Variants in GRAMD4 observed in about 807,000 individuals in gnomAD.
GRAMD4 encodes GRAM domain-containing protein 4.
Under a neutral mutation model 83.9 loss-of-function variants are expected in GRAMD4, and 25 were observed. The ratio of observed to expected loss-of-function variants is 0.30; its 90% confidence interval spans 0.22 to 0.42. The LOEUF (loss-of-function observed/expected upper bound fraction) is 0.42. GRAMD4 is among the 10% of genes least tolerant of loss of function. GRAMD4 has a pLI of 1.00. For missense variants in GRAMD4, 593 were observed against 788.7 expected (o/e 0.75, Z 2.97); for synonymous variants, 336 against 320.9 (o/e 1.05, Z -0.50).
At chr22:46,656,601 G>A (rs2082247989) in intron 3 of GRAMD4, among the ~76,000 whole-genome samples, 1 of 152,176 alleles carries the variant, frequency 6.6e-6, no homozygotes, top group South Asian at 2.1e-4. Flanking sequence ...AGCTACTGGG[G>A]TCACTCCCAC....
rs543237515 is a variant in GRAMD4, at chr22:46,635,149, C to A, written c.163-2691C>A. ...TCCTGGGGAACCGTGTCCTCCCTGC[C>A]TCCACCCCTGGCCACTCCTGTCCTG... is the stretch of plus-strand genomic sequence containing the variant. On this transcript the variant is annotated intron_variant, in intron 2 of 18. Coordinates refer to ENST00000406902, the MANE Select transcript of GRAMD4 (RefSeq NM_015124.5). Among the ~76,000 whole-genome samples the A allele has an allele frequency of 4.4e-4, 62 of 140,878 alleles. 1 individual carries two copies. The highest frequency in any genetic ancestry group is 1.7e-3 in the African/African-American group (60 of 35,048). 92.4% of individuals were successfully genotyped at this position (140,878 alleles called of 152,430 possible).
intron 2 of GRAMD4, among the ~76,000 whole-genome samples, chr22:46,633,397 G>T (rs1367495938): frequency 6.6e-6 from 1 of 152,238 alleles, no homozygotes; most frequent in East Asian, 1.9e-4. Flanking sequence ...CCTAATGAAG[G>T]TGGGGACTTG....
intron 2 of GRAMD4, among the ~76,000 whole-genome samples, chr22:46,630,932 G>A (rs5769046): frequency 1.0e-4 from 11 of 109,374 alleles, no homozygotes; most frequent in South Asian, 5.8e-4. Flanking sequence ...CTCGAGGGCC[G>A]TGTGCCCTCA....
rs1025082859 is a variant in GRAMD4, at chr22:46,620,601, T to C, written c.-50+36T>C. Reference sequence around the variant, plus strand: ...GGGGGCAGGGGGCAGGGGGACATGGTAGGGCCCATCTGAGTGGAAGCCCCA... The same window carrying C: ...GGGGGCAGGGGGCAGGGGGACATGGCAGGGCCCATCTGAGTGGAAGCCCCA... On this transcript the variant is annotated intron_variant, in intron 1 of 18. Transcript: ENST00000406902. This position sits in a 1 kb window ranked among gnomAD's most constrained non-coding sequence, Gnocchi z 4.7. 6.0e-6 allele frequency: 4 copies of C among 670,192 alleles called. No homozygotes were observed. The African/African-American group carries it at 8.0e-5, about 13-fold the overall frequency. The allele number at this position is 670,192 out of a possible 1,614,324, so 41.5% of individuals were successfully genotyped here.
intron 1 of GRAMD4, among the ~76,000 whole-genome samples, chr22:46,599,546 T>A (rs745599993): frequency 6.6e-6 from 1 of 152,044 alleles, no homozygotes; most frequent in Non-Finnish European, 1.5e-5. Context: ...AGGCTGGTCT[T>A]GAACTCCTGA....
intron 17 of GRAMD4, among the ~76,000 whole-genome samples, 184 bp downstream of exon 17, chr22:46,675,736 C>T (rs1311673754): frequency 6.6e-6 from 1 of 152,174 alleles, no homozygotes; most frequent in Non-Finnish European, 1.5e-5. Context: ...CTGCCCCTGC[C>T]CTGGGGTCCA....
chr22:46,659,048 C>T lies in GRAMD4; in HGVS notation c.404+741C>T, dbSNP rs920039958. ...GTGCCCTCCTGTCTCGCTAACACCA[C>T]GAGGCTCCGTGTCCCTCTGCACAAG... On this transcript the variant is annotated intron_variant, in intron 4 of 18. Coordinates refer to ENST00000406902, the MANE Select transcript of GRAMD4 (RefSeq NM_015124.5). The surrounding 1 kb of genome is among the most constrained non-coding windows in gnomAD (Gnocchi z 4.1). 7.2e-5 allele frequency among the ~76,000 whole-genome samples: 11 copies of T among 152,154 alleles called. No individual in the cohort carries two copies. The highest frequency in any genetic ancestry group is 2.4e-4 in the African/African-American group (10 of 41,410).
chr22:46,654,638 G>A (rs1017801396), intron 3 of GRAMD4, among the ~76,000 whole-genome samples: 2 of 152,192 alleles, frequency 1.3e-5, no homozygotes, highest in Non-Finnish European at 2.9e-5. Context: ...CCAAGTCCCC[G>A]CCTGCCTCCA....
At chr22:46,626,249 C>T (rs1203062488) in intron 1 of GRAMD4, among the ~76,000 whole-genome samples, 1 of 152,228 alleles carries the variant, frequency 6.6e-6, no homozygotes, top group African/African-American at 2.4e-5. Flanking sequence ...GCGTGGCTGC[C>T]GTCCTGGTGG....
At chr22:46,644,470 C>T (rs2082037456) in intron 3 of GRAMD4, among the ~76,000 whole-genome samples, 1 of 152,066 alleles carries the variant, frequency 6.6e-6, no homozygotes, top group Admixed American at 6.5e-5. Flanking sequence ...TTACACCTGT[C>T]CCCGTTGCAG....
intron 4 of GRAMD4, 102 bp downstream of exon 4, chr22:46,658,409 A>C: frequency 8.4e-7 from 1 of 1,194,858 alleles, no homozygotes; most frequent in Admixed American, 2.3e-5. Flanking sequence ...TCTTGGCAGC[A>C]TCATTCTTGG....
intron 1 of GRAMD4, among the ~76,000 whole-genome samples, chr22:46,589,079 C>T (rs1007478335): frequency 9.2e-5 from 14 of 151,942 alleles, no homozygotes; most frequent in Non-Finnish European, 1.5e-4. Flanking sequence ...GAAGCAGGGA[C>T]GGCAGGGGGC....
At position 46,659,872 on chromosome 22, in the gene GRAMD4, A is replaced by T. The variant is rs2082302710; in HGVS notation, c.405-1509A>T. Among the ~76,000 whole-genome samples, 1 of 152,214 alleles carries T rather than the reference A, an allele frequency of 6.6e-6. No homozygotes were observed. Among genetic ancestry groups the T allele is most frequent in the African/African-American group, 2.4e-5 (1 of 41,450 alleles). On this transcript the variant is annotated intron_variant, in intron 4 of 18. Transcript: ENST00000406902. This position sits in a 1 kb window ranked among gnomAD's most constrained non-coding sequence, Gnocchi z 4.1. ...TGAACCTTCTGGGAAAATCCACAGA[A>T]GCTCAAAGCTTAAATTACATTTAAT...
chr22:46,624,922 G>A (rs2147156291), intron 1 of GRAMD4, among the ~76,000 whole-genome samples: 1 of 150,740 alleles, frequency 6.6e-6, no homozygotes, highest in Non-Finnish European at 1.5e-5. Flanking sequence ...GTGCAGTGGC[G>A]GGATCTCAGC....
intron 2 of GRAMD4, 151 bp from the exon 3 acceptor site, chr22:46,637,689 T>C: frequency 1.4e-6 from 1 of 717,742 alleles, no homozygotes. Flanking sequence ...GACTGCTGCG[T>C]CGTCCCCATG....
chr22:46,633,607 T>C lies in GRAMD4; in HGVS notation c.163-4233T>C, dbSNP rs548195579. The stretch of plus-strand genomic sequence containing the variant: ...CGTGGGTTGGCGTCCTTGCTGCTGC[T>C]GCCAACGGGAGTCCCCAGCTGGAGG... On this transcript the variant is annotated intron_variant, in intron 2 of 18. Transcript: ENST00000406902. 8.5e-5 allele frequency among the ~76,000 whole-genome samples: 13 copies of C among 152,340 alleles called. No homozygotes were observed. The South Asian group carries it at 2.1e-3, about 24-fold the overall frequency.
chr22:46,645,672 A>G (rs1321003727), intron 3 of GRAMD4, among the ~76,000 whole-genome samples: 2 of 152,204 alleles, frequency 1.3e-5, no homozygotes, highest in Non-Finnish European at 2.9e-5. Context: ...TTAAATCCTG[A>G]AGAGTACAAA....
chr22:46,640,230 G>A lies in GRAMD4; in HGVS notation c.283+2270G>A, dbSNP rs190511158. 9.3e-4 allele frequency among the ~76,000 whole-genome samples: 141 copies of A among 152,274 alleles called. 1 individual carries two copies. In the South Asian group the frequency reaches 0.011, roughly 12 times the overall value. ...AATATTGACGGTTTTTCAGTCATGG[G>A]GCAGGGGGTCAGTGTTTCACTTTCA... On this transcript the variant is annotated intron_variant, in intron 3 of 18. Coordinates refer to ENST00000406902, the MANE Select transcript of GRAMD4 (RefSeq NM_015124.5).
At chr22:46,637,457 G>A (rs1177395021) in intron 2 of GRAMD4, among the ~76,000 whole-genome samples, 1 of 152,074 alleles carries the variant, frequency 6.6e-6, no homozygotes, top group East Asian at 1.9e-4. Context: ...GTTTCACCGT[G>A]GTCTCGATCT....
Sources: allele counts gnomAD v4.1 joint callset (sites outside exome capture counted in the v4.1 genomes callset), GRCh38; gene constraint gnomAD v4.1.1; non-coding constraint Gnocchi (gnomAD v3.1); transcripts MANE v1.5; gene names NCBI Gene and HGNC (gene_info 2026-07-23, HGNC 2026-07-21).